The following CYP2C8 variants were observed in gnomAD, a reference collection of about 807,000 sequenced individuals.
CYP2C8 encodes the protein cytochrome P450 family 2 subfamily C member 8.
CYP2C8 carries 51 observed loss-of-function variants against 41.3 expected under a neutral mutation model. The observed-to-expected ratio is 1.24, with a 90% CI of 0.99 to 1.56. The LOEUF (loss-of-function observed/expected upper bound fraction) is 1.56, where lower values mean the gene tolerates loss of function less well. Among genes scored for constraint, CYP2C8 ranks in the 40% most tolerant of loss-of-function variants. The pLI is 0.00. For missense variants in CYP2C8, 651 were observed against 579.9 expected (o/e 1.12, Z -1.26); for synonymous variants, 218 against 205.8 (o/e 1.06, Z -0.51).
chr10:95,045,394 T>C (rs1257666436), intron 6 of CYP2C8, among the ~76,000 whole-genome samples: 1 of 152,210 alleles, frequency 6.6e-6, no homozygotes, highest in Non-Finnish European at 1.5e-5. Context: ...AATTTCCACT[T>C]ATGCTTCAAT....
chr10:95,048,538 T>C (rs1248166029), intron 5 of CYP2C8, among the ~76,000 whole-genome samples: 1 of 152,172 alleles, frequency 6.6e-6, no homozygotes, highest in Non-Finnish European at 1.5e-5. Context: ...TAGCAATGTA[T>C]TGGGTTTGTG....
chr10:95,061,247 T>C lies in CYP2C8; in HGVS notation c.643-2736A>G, dbSNP rs2033421822. Among the ~76,000 whole-genome samples, 3 of 152,340 alleles carry C rather than the reference T, an allele frequency of 2.0e-5. No homozygotes were observed. The South Asian group carries it at 6.2e-4, about 32-fold the overall frequency. On this transcript the variant is annotated intron_variant, in intron 4 of 8. Transcript: ENST00000371270. The stretch of plus-strand genomic sequence containing the variant: ...GCTCCTCCTTGTACCTCTGATAGAA[T>C]TTGGCTGTGAATCCACCTGGTCCTG...
At chr10:95,049,111 A>G in intron 5 of CYP2C8, among the ~76,000 whole-genome samples, 1 of 152,190 alleles carries the variant, frequency 6.6e-6, no homozygotes, top group East Asian at 1.9e-4. Context: ...GAAACTCAAA[A>G]CAGCAAGAAA....
chr10:95,049,822 C>T (rs1482404871), intron 5 of CYP2C8, among the ~76,000 whole-genome samples: 1 of 151,890 alleles, frequency 6.6e-6, no homozygotes, highest in Non-Finnish European at 1.5e-5. Flanking sequence ...CCAAGCTGCA[C>T]AGTTTTCACT....
At chr10:95,064,484 A>G (rs1255340602) in intron 4 of CYP2C8, among the ~76,000 whole-genome samples, 3 of 152,174 alleles carry the variant, frequency 2.0e-5, no homozygotes, top group Admixed American at 6.5e-5. Context: ...AGAAAAGCAC[A>G]GTATTAGGGT....
intron 4 of CYP2C8, among the ~76,000 whole-genome samples, chr10:95,060,067 T>A (rs2033393949): frequency 6.6e-6 from 1 of 152,222 alleles, no homozygotes; most frequent in Admixed American, 6.5e-5. Context: ...TAGTTTGAAG[T>A]CAGGTAGCCT....
chr10:95,058,637 T>C lies in CYP2C8; in HGVS notation c.643-126A>G, dbSNP rs1164154342. ...CATGTCCATTTTGAAGGGAAATTTT[T>C]ATACATATATACATTTTTTATTACA... On this transcript the variant is annotated intron_variant, in intron 4 of 8. Coordinates refer to ENST00000371270, the MANE Select transcript of CYP2C8 (RefSeq NM_000770.3). 1.4e-5 allele frequency: 11 copies of C among 809,630 alleles called. No homozygotes were observed. In the East Asian group the frequency reaches 3.0e-4, roughly 22 times the overall value. The allele number at this position is 809,630 out of a possible 1,614,324, so 50.2% of individuals were successfully genotyped here.
At position 95,037,276 on chromosome 10, in the gene CYP2C8, C is replaced by T. The variant is rs138495387; in HGVS notation, c.1325G>A (p.Arg442His). 7.1e-5 allele frequency: 114 copies of T among 1,613,386 alleles called. 1 individual carries two copies. Among genetic ancestry groups the T allele is most frequent in the Middle Eastern group, 3.3e-4 (2 of 5,990 alleles). ...GGTTAGAAATAAAAATAGCTCCATGCGGGCAAGTCCTTCTCCTGCACAAAT... is the reference window on the plus strand; with the variant it reads ...GGTTAGAAATAAAAATAGCTCCATGTGGGCAAGTCCTTCTCCTGCACAAAT... The part of the protein sequence containing the change: ...KRICAGEGLA[R>H]MELFLFLTTI... The change falls in exon 9 of 9, where the codon CGC becomes CAC. Residue 442 changes from arginine (R) to histidine (H), a missense_variant. Coordinates refer to ENST00000371270, the MANE Select transcript of CYP2C8 (RefSeq NM_000770.3).
intron 5 of CYP2C8, among the ~76,000 whole-genome samples, chr10:95,052,252 CA>C (rs752786188): frequency 1.1e-4 from 17 of 151,830 alleles, no homozygotes; most frequent in Non-Finnish European, 2.1e-4. Flanking sequence ...GAAATTGAAC[CA>C]TGAAGAAATC....
intron 7 of CYP2C8, among the ~76,000 whole-genome samples, chr10:95,039,917 A>G (rs1346950035): frequency 2.0e-5 from 3 of 152,208 alleles, no homozygotes; most frequent in African/African-American, 7.2e-5. Flanking sequence ...ATCTGCCTCT[A>G]GAAAACAGTC....
intron 4 of CYP2C8, among the ~76,000 whole-genome samples, chr10:95,060,950 G>A (rs2033415176): frequency 6.6e-6 from 1 of 152,188 alleles, no homozygotes; most frequent in African/African-American, 2.4e-5. Flanking sequence ...TACATTTACT[G>A]ATTTGCGTAT....
chr10:95,064,968 T>G lies in CYP2C8; in HGVS notation c.482-8A>C, dbSNP rs1352057373. Reference sequence around the variant, plus strand: ...TGGGATCACAGGGTGAAGCTAAAGATTTAAAAATTTTTAAAAAAATTATTA... The same window carrying G: ...TGGGATCACAGGGTGAAGCTAAAGAGTTAAAAATTTTTAAAAAAATTATTA... On this transcript the variant is annotated splice_region_variant and splice_polypyrimidine_tract_variant and intron_variant, in intron 3 of 8. Transcript: ENST00000371270. 6.9e-7 allele frequency: 1 copy of G among 1,448,920 alleles called. No homozygotes were observed. Among genetic ancestry groups the G allele is most frequent in the East Asian group, 2.5e-5 (1 of 39,984 alleles). The allele number at this position is 1,448,920 out of a possible 1,614,324, so 89.8% of individuals were successfully genotyped here.
chr10:95,068,958 G>A (rs899969151), intron 1 of CYP2C8, among the ~76,000 whole-genome samples: 2 of 152,106 alleles, frequency 1.3e-5, no homozygotes, highest in African/African-American at 4.8e-5. Flanking sequence ...TTACTCGGGG[G>A]AGGCTGAGGC....
chr10:95,065,030 CAT>C (rs2033530496), intron 3 of CYP2C8, 70 bp from the exon 4 acceptor site: 2 of 1,270,508 alleles, frequency 1.6e-6, no homozygotes, highest in Non-Finnish European at 2.0e-6. Flanking sequence ...TTTGTTAAGA[CAT>C]AAAGGAAATT....
At chr10:95,069,199 T>G in intron 1 of CYP2C8, 36 bp downstream of exon 1, 1 of 1,612,680 alleles carries the variant, frequency 6.2e-7, no homozygotes, top group Non-Finnish European at 8.5e-7. Context: ...TAACTTACCC[T>G]TTGCAATTGG....
intron 5 of CYP2C8, 104 bp from the exon 6 acceptor site, chr10:95,046,055 T>C: frequency 2.4e-6 from 3 of 1,272,902 alleles, no homozygotes; most frequent in Non-Finnish European, 1.1e-6. Context: ...CCAAAAGAGA[T>C]ACTGGACAGT....
chr10:95,046,095 T>C, intron 5 of CYP2C8, 144 bp from the exon 6 acceptor site: 1 of 833,520 alleles, frequency 1.2e-6, no homozygotes, highest in Non-Finnish European at 1.9e-6. Context: ...CTGTGTGGTA[T>C]GGCAGAAACT....
Position 95,069,284 on chromosome 10 carries a change from C to A in CYP2C8, c.119G>T (p.Gly40Val), listed in dbSNP as rs749557647. The part of the protein sequence containing the change: ...PPGPTPLPII[G>V]NMLQIDVKDI... ...CTTAACATCTATCTGTAGCATATTTCCAATAATAGGAAGAGGAGTGGGGCC... is the reference window on the plus strand; with the variant it reads ...CTTAACATCTATCTGTAGCATATTTACAATAATAGGAAGAGGAGTGGGGCC... Residue 40 changes from glycine (G) to valine (V), a missense_variant, in exon 1 of 9, where the codon GGA becomes GTA. Transcript: ENST00000371270. The A allele has an allele frequency of 5.1e-5, 82 of 1,613,892 alleles. No homozygotes were observed. Among genetic ancestry groups the A allele is most frequent in the Non-Finnish European group, 6.9e-5 (82 of 1,179,974 alleles).
intron 4 of CYP2C8, among the ~76,000 whole-genome samples, chr10:95,063,384 T>G (rs1040168687): frequency 6.6e-6 from 1 of 152,228 alleles, no homozygotes; most frequent in African/African-American, 2.4e-5. Flanking sequence ...TTCATTTCAT[T>G]TGTTTGATCT....
Sources: allele counts gnomAD v4.1 joint callset (sites outside exome capture counted in the v4.1 genomes callset), GRCh38; gene constraint gnomAD v4.1.1; transcripts MANE v1.5; gene names NCBI Gene and HGNC (gene_info 2026-07-23, HGNC 2026-07-21).